The following CILK1 variants were observed in gnomAD, a reference collection of about 807,000 sequenced individuals.
CILK1 encodes the protein ciliogenesis associated kinase 1.
A neutral mutation model predicts 79.2 loss-of-function variants in CILK1; 47 were observed. The observed-to-expected ratio is 0.59, with a 90% CI of 0.47 to 0.76. The LOEUF is 0.76. Among genes scored for constraint, CILK1 ranks in the 30% least tolerant of loss-of-function variants. The pLI is 0.00. For synonymous variants in CILK1, 266 were observed against 275.9 expected (o/e 0.96, Z 0.36); for missense variants, 660 against 769.5 (o/e 0.86, Z 1.68).
chr6:53,016,167 C>T lies in CILK1; in HGVS notation c.747G>A (p.Leu249=). ...PQCVPNNLKT[L]IPNASSEAVQ... is the part of the protein sequence containing the mutation. The stretch of plus-strand genomic sequence containing the variant: ...CTGCTTCACTGCTAGCATTGGGAAT[C>T]AAGGTCTTTAAGTTATTGGGTACAC... Residue 249 remains leucine, a synonymous_variant, in exon 8 of 14, where the codon TTG becomes TTA. Transcript: ENST00000676107. 1 of 1,614,124 alleles carries T rather than the reference C, an allele frequency of 6.2e-7. No individual in the cohort carries two copies. Among genetic ancestry groups the T allele is most frequent in the Non-Finnish European group, 8.5e-7 (1 of 1,179,972 alleles).
chr6:53,031,336 T>A (rs1431104706), intron 4 of CILK1, among the ~76,000 whole-genome samples, 192 bp from the exon 5 acceptor site: 1 of 152,198 alleles, frequency 6.6e-6, no homozygotes, highest in African/African-American at 2.4e-5. Flanking sequence ...ACATAGCATA[T>A]AAATATCAAA....
At chr6:53,018,587 G>T in intron 6 of CILK1, 86 bp from the exon 7 acceptor site, 1 of 1,311,904 alleles carries the variant, frequency 7.6e-7, no homozygotes, top group Non-Finnish European at 1.1e-6. Context: ...GTGAGGGGGT[G>T]TATATGTTCC....
At position 53,016,240 on chromosome 6, in the gene CILK1, G is replaced by C. The variant is rs763190229; in HGVS notation, c.674C>G (p.Pro225Arg). Residue 225 changes from proline (P) to arginine (R), a missense_variant, in exon 8 of 14, where the codon CCT becomes CGT. Transcript: ENST00000676107. The part of the protein sequence containing the change: ...VLGTPKKTDW[P>R]EGYQLSSAMN... ...TGCACTTGAAAGTTGATAGCCTTCAGGCCAGTCAGTCTGAAAGAAGGAAAA... is the reference window on the plus strand; with the variant it reads ...TGCACTTGAAAGTTGATAGCCTTCACGCCAGTCAGTCTGAAAGAAGGAAAA... 2.5e-6 allele frequency: 4 copies of C among 1,614,028 alleles called. No homozygotes were observed. The highest frequency in any genetic ancestry group is 3.4e-6 in the Non-Finnish European group (4 of 1,179,912).
At chr6:53,017,381 CA>C (rs1218698537) in intron 7 of CILK1, among the ~76,000 whole-genome samples, 1 of 152,006 alleles carries the variant, frequency 6.6e-6, no homozygotes, top group Non-Finnish European at 1.5e-5. Flanking sequence ...ATTAGAGAAA[CA>C]GTGAGGAGGG....
At chr6:53,015,209 T>C (rs1764823292) in intron 8 of CILK1, among the ~76,000 whole-genome samples, 1 of 152,238 alleles carries the variant, frequency 6.6e-6, no homozygotes, top group East Asian at 1.9e-4. Flanking sequence ...GTCACTTATA[T>C]GATCCTCTGA....
intron 7 of CILK1, among the ~76,000 whole-genome samples, chr6:53,017,520 G>C (rs1764963688): frequency 6.6e-6 from 1 of 152,218 alleles, no homozygotes; most frequent in Admixed American, 6.5e-5. Context: ...ATAGGAATAG[G>C]AGTTATGAGG....
intron 1 of CILK1, among the ~76,000 whole-genome samples, chr6:53,055,563 TA>T (rs1166141736): frequency 6.6e-6 from 1 of 152,228 alleles, no homozygotes; most frequent in Non-Finnish European, 1.5e-5. Flanking sequence ...AACTGGATGT[TA>T]ACAAGAGAAG....
At chr6:53,037,392 A>T (rs56699286) in intron 3 of CILK1, among the ~76,000 whole-genome samples, 1 of 13,956 alleles carries the variant, frequency 7.2e-5, no homozygotes, top group Non-Finnish European at 2.0e-4. Context: ...GCACAAAAGA[A>T]GGACCTCAGC....
intron 2 of CILK1, among the ~76,000 whole-genome samples, chr6:53,040,090 T>G (rs929691777): frequency 6.6e-6 from 1 of 152,086 alleles, no homozygotes; most frequent in Non-Finnish European, 1.5e-5. Flanking sequence ...TTGGGCATGG[T>G]GAGTGTGAAA....
At chr6:53,041,651 T>G (rs529780547) in intron 1 of CILK1, among the ~76,000 whole-genome samples, 4 of 152,324 alleles carry the variant, frequency 2.6e-5, no homozygotes, top group African/African-American at 9.6e-5. Flanking sequence ...AAAAACTTGA[T>G]TCCCGGCTGG....
chr6:53,059,630 AAGACCAGAC>A (rs1768247880), intron 1 of CILK1, among the ~76,000 whole-genome samples: 5 of 152,346 alleles, frequency 3.3e-5, no homozygotes, highest in African/African-American at 1.2e-4. Context: ...GGACAGCAAG[AAGACCAGAC>A]TGCTTAGAGT....
chr6:53,025,923 T>C (rs1765541533), intron 5 of CILK1, among the ~76,000 whole-genome samples: 1 of 152,216 alleles, frequency 6.6e-6, no homozygotes, highest in Non-Finnish European at 1.5e-5. Context: ...TTCATGTCTA[T>C]TTTAACATGA....
intron 1 of CILK1, among the ~76,000 whole-genome samples, chr6:53,043,759 T>G (rs1766868757): frequency 6.6e-6 from 1 of 150,542 alleles, no homozygotes; most frequent in Non-Finnish European, 1.5e-5. Context: ...GATGGGGGTG[T>G]GGATGGGAGG....
rs137988443 is a variant in CILK1 at position 53,049,141 on chromosome 6, C to T, written c.-172-7733G>A. ...AACCCTGAAAATATATGCCTTTGGG[C>T]TTATTGTTCTACAACCTAATTGAAG... On this transcript the variant is annotated intron_variant, in intron 1 of 13. Transcript: ENST00000676107. Among the ~76,000 whole-genome samples, 395 of 152,328 alleles carry T rather than the reference C, an allele frequency of 2.6e-3. 1 individual carries two copies. The highest frequency in any genetic ancestry group is 6.8e-3 in the African/African-American group (282 of 41,576).
chr6:53,011,074 G>T (rs936160722), intron 11 of CILK1, among the ~76,000 whole-genome samples: 14 of 152,160 alleles, frequency 9.2e-5, no homozygotes, highest in South Asian at 4.1e-4. Flanking sequence ...CAGGAGAGAG[G>T]CTTGGATACC....
chr6:53,032,050 C>G (rs1038394934), intron 4 of CILK1, among the ~76,000 whole-genome samples: 7 of 152,158 alleles, frequency 4.6e-5, no homozygotes, highest in Non-Finnish European at 1.0e-4. Context: ...TGAGGCTGGT[C>G]GTGACCTCCT....
At position 53,005,153 on chromosome 6, in the gene CILK1, C is replaced by A; in HGVS notation, c.1895G>T (p.Arg632Leu). 2 of 1,614,128 alleles carry A rather than the reference C, an allele frequency of 1.2e-6. No individual in the cohort carries two copies. Among genetic ancestry groups the A allele is most frequent in the Admixed American group, 1.7e-5 (1 of 60,028 alleles). ...TDWASKYASR[R>L] ...ATTCATCACCAAGGCAGACAGTCATCGCCGAGATGCGTACTTGGAAGCCCA... is the reference window on the plus strand; with the variant it reads ...ATTCATCACCAAGGCAGACAGTCATAGCCGAGATGCGTACTTGGAAGCCCA... Residue 632 changes from arginine to leucine, a missense_variant, in exon 14 of 14, where the codon CGA (arginine) becomes CTA (leucine). Coordinates refer to ENST00000676107, the MANE Select transcript of CILK1 (RefSeq NM_014920.5).
intron 5 of CILK1, among the ~76,000 whole-genome samples, chr6:53,022,392 T>G (rs1765302424): frequency 6.6e-6 from 1 of 152,222 alleles, no homozygotes; most frequent in African/African-American, 2.4e-5. Flanking sequence ...CTTTTCTATG[T>G]TTAGATACAC....
intron 1 of CILK1, among the ~76,000 whole-genome samples, chr6:53,050,527 T>C (rs1581763653): frequency 6.6e-6 from 1 of 151,598 alleles, no homozygotes; most frequent in East Asian, 1.9e-4. Context: ...GACATATTTA[T>C]TTTATAAAAT....
Sources: gnomAD v4.1 joint callset for allele counts (sites outside exome capture counted in the v4.1 genomes callset) on GRCh38, gnomAD v4.1.1 for gene constraint, MANE v1.5 for transcripts, NCBI Gene and HGNC (gene_info 2026-07-23, HGNC 2026-07-21) for gene names.